The following THSD7B variants were observed in gnomAD, a reference collection of about 807,000 sequenced individuals.
THSD7B encodes thrombospondin type 1 domain containing 7B.
A neutral mutation model predicts 213.6 loss-of-function variants in THSD7B; 138 were observed. The observed-to-expected ratio is 0.65, with a 90% CI of 0.56 to 0.74. The LOEUF (loss-of-function observed/expected upper bound fraction) is 0.74, where lower values mean the gene tolerates loss of function less well. Ranked by LOEUF, THSD7B falls within the 30% of genes least tolerant of loss-of-function variation. The pLI, the probability that THSD7B is intolerant of heterozygous loss-of-function variation, is 0.00. For synonymous variants in THSD7B, 742 were observed against 687.0 expected (o/e 1.08, Z -1.25); for missense variants, 1,931 against 1,991.5 (o/e 0.97, Z 0.58).
At chr2:137,668,106 G>A (rs1683486393) in intron 27 of THSD7B, among the ~76,000 whole-genome samples, 2 of 152,246 alleles carry the variant, frequency 1.3e-5, no homozygotes, top group East Asian at 3.9e-4. Context: ...CCATTTGCAT[G>A]TTTTGATTTC....
intron 15 of THSD7B, among the ~76,000 whole-genome samples, chr2:137,467,885 A>C (rs920520632): frequency 6.6e-6 from 1 of 152,182 alleles, no homozygotes; most frequent in African/African-American, 2.4e-5. Flanking sequence ...CCCAAATCAG[A>C]TAAGCAATAC....
At chr2:136,789,212 ATTTC>A (rs1365121040) in intron 1 of THSD7B, among the ~76,000 whole-genome samples, 2 of 152,042 alleles carry the variant, frequency 1.3e-5, no homozygotes, top group Non-Finnish European at 2.9e-5. Context: ...CTTCCAGGCC[ATTTC>A]TTTCTATGTT....
At chr2:136,805,413 T>C (rs1329683545) in intron 1 of THSD7B, among the ~76,000 whole-genome samples, 1 of 152,204 alleles carries the variant, frequency 6.6e-6, no homozygotes, top group Non-Finnish European at 1.5e-5. Flanking sequence ...AGGGGAGAGA[T>C]GATCTGTTTC....
At chr2:136,839,694 A>G (rs1352873584) in intron 1 of THSD7B, among the ~76,000 whole-genome samples, 2 of 152,142 alleles carry the variant, frequency 1.3e-5, no homozygotes, top group African/African-American at 2.4e-5. Context: ...TAACCTATTG[A>G]TCACATTATT....
chr2:137,088,670 A>G (rs894757945), intron 3 of THSD7B, among the ~76,000 whole-genome samples: 1 of 152,162 alleles, frequency 6.6e-6, no homozygotes, highest in Non-Finnish European at 1.5e-5. Context: ...GGCAATAGGA[A>G]CCATCAGCAA....
At chr2:137,089,992 G>A (rs898946807) in intron 3 of THSD7B, among the ~76,000 whole-genome samples, 1 of 151,568 alleles carries the variant, frequency 6.6e-6, no homozygotes, top group Non-Finnish European at 1.5e-5. Flanking sequence ...GGGTGACAGA[G>A]TTAGAGTCGG....
chr2:137,275,905 C>T lies in THSD7B; in HGVS notation c.2397-18C>T, dbSNP rs1400059265. 4.2e-5 allele frequency: 67 copies of T among 1,591,402 alleles called. No individual in the cohort carries two copies. The Admixed American group carries it at 6.4e-4, about 15-fold the overall frequency. ...GATCACAGTAAAGTTTCTAGTCCAT[C>T]GTTTTTGGTAATCACAGGTGGAAGC... On this transcript the variant is annotated intron_variant, in intron 11 of 27. Transcript: ENST00000409968.
chr2:137,081,676 T>C (rs567040589), intron 3 of THSD7B, among the ~76,000 whole-genome samples: 1 of 152,328 alleles, frequency 6.6e-6, no homozygotes, highest in South Asian at 2.1e-4. Flanking sequence ...ACAGGGTTTT[T>C]CTTTTCAGCT....
intron 2 of THSD7B, among the ~76,000 whole-genome samples, chr2:137,015,657 TA>T (rs1488252431): frequency 1.3e-5 from 2 of 152,180 alleles, no homozygotes; most frequent in Admixed American, 6.5e-5. Flanking sequence ...CAGCTGGTGT[TA>T]AAAGAGCAGA....
intron 2 of THSD7B, among the ~76,000 whole-genome samples, chr2:136,928,021 C>T (rs1180777570): frequency 1.3e-5 from 2 of 152,184 alleles, no homozygotes; most frequent in East Asian, 1.9e-4. Flanking sequence ...GATATTTTTA[C>T]AACTTAGCTT....
chr2:136,913,185 C>G (rs35414386), intron 2 of THSD7B, among the ~76,000 whole-genome samples: 1 of 152,094 alleles, frequency 6.6e-6, no homozygotes, highest in Non-Finnish European at 1.5e-5. Flanking sequence ...AAGAGACTAT[C>G]GGCATTTTGC....
At chr2:136,848,354 C>T (rs1683043131) in intron 1 of THSD7B, among the ~76,000 whole-genome samples, 1 of 152,124 alleles carries the variant, frequency 6.6e-6, no homozygotes, top group South Asian at 2.1e-4. Context: ...ATTAGTAGGG[C>T]TGGGATCTGG....
At chr2:137,139,499 GC>G (rs1679539484) in intron 5 of THSD7B, among the ~76,000 whole-genome samples, 1 of 152,154 alleles carries the variant, frequency 6.6e-6, no homozygotes, top group African/African-American at 2.4e-5. Context: ...GTAATATGCT[GC>G]AATGTGGCCC....
At chr2:137,377,223 T>A (rs1685676538) in intron 12 of THSD7B, among the ~76,000 whole-genome samples, 1 of 152,194 alleles carries the variant, frequency 6.6e-6, no homozygotes, top group Non-Finnish European at 1.5e-5. Context: ...GACTGTATCC[T>A]CCAGATAGTG....
chr2:137,647,629 A>T (rs1683061194), intron 21 of THSD7B, among the ~76,000 whole-genome samples: 1 of 152,110 alleles, frequency 6.6e-6, no homozygotes, highest in African/African-American at 2.4e-5. Flanking sequence ...AGTACAGAGG[A>T]GTTAAGACTT....
intron 21 of THSD7B, among the ~76,000 whole-genome samples, chr2:137,650,000 G>A (rs1683107967): frequency 6.6e-6 from 1 of 152,126 alleles, no homozygotes; most frequent in Admixed American, 6.5e-5. Flanking sequence ...TACTCGGGGG[G>A]CTAAGGTGGG....
chr2:137,163,750 A>G (rs1049586539), intron 6 of THSD7B, among the ~76,000 whole-genome samples: 1 of 152,236 alleles, frequency 6.6e-6, no homozygotes, highest in Non-Finnish European at 1.5e-5. Context: ...AAACTAATAC[A>G]CTGCCCAACT....
intron 25 of THSD7B, among the ~76,000 whole-genome samples, chr2:137,661,378 G>T (rs1683339663): frequency 6.6e-6 from 1 of 152,030 alleles, no homozygotes. Context: ...CAAGGAAGGA[G>T]TAACTCAGAT....
intron 14 of THSD7B, among the ~76,000 whole-genome samples, chr2:137,415,674 T>G (rs1011194593): frequency 2.0e-5 from 3 of 149,556 alleles, no homozygotes; most frequent in South Asian, 4.3e-4. Flanking sequence ...GTTTTTTTTT[T>G]TTTTTTTTTT....
Sources: gnomAD v4.1 joint callset for allele counts (sites outside exome capture counted in the v4.1 genomes callset) on GRCh38, gnomAD v4.1.1 for gene constraint, MANE v1.5 for transcripts, NCBI Gene and HGNC (gene_info 2026-07-23, HGNC 2026-07-21) for gene names.